The following PTPRD variants were observed in gnomAD, a reference collection of about 807,000 sequenced individuals.
PTPRD encodes the protein receptor-type tyrosine-protein phosphatase delta.
A neutral mutation model predicts 214.5 loss-of-function variants in PTPRD; 34 were observed. The observed-to-expected ratio is 0.16, with a 90% CI of 0.12 to 0.21. The LOEUF is 0.21. Ranked by LOEUF, PTPRD falls within the 10% of genes least tolerant of loss-of-function variation. The pLI, the probability that PTPRD is intolerant of heterozygous loss-of-function variation, is 1.00. For synonymous variants in PTPRD, 1,128 were observed against 845.7 expected, an observed-to-expected ratio of 1.33 and a Z score of -5.79; for missense variants, 2,545 against 2,398.7, an observed-to-expected ratio of 1.06 and a Z score of -1.27.
chr9:8,894,632 G>C lies in PTPRD; in HGVS notation c.-104+124065C>G, dbSNP rs908119790. ...CACAGGTGTTTTCAACTTATGAAAA[G>C]TCATTAAACTGTACACTTAGTAAAT... On this transcript the variant is annotated intron_variant, in intron 11 of 45. Transcript: ENST00000381196. Among the ~76,000 whole-genome samples the C allele has an allele frequency of 3.3e-5, 5 of 152,036 alleles. No homozygotes were observed. In the East Asian group the frequency reaches 9.7e-4, roughly 29 times the overall value.
intron 2 of PTPRD, among the ~76,000 whole-genome samples, chr9:10,512,574 C>T (rs951431833): frequency 1.3e-5 from 2 of 152,026 alleles, no homozygotes; most frequent in Non-Finnish European, 2.9e-5. Context: ...AAGCAGCAAT[C>T]AAAGTTGAAC....
intron 3 of PTPRD, among the ~76,000 whole-genome samples, chr9:10,173,419 G>A (rs1168659989): frequency 6.6e-6 from 1 of 152,114 alleles, no homozygotes; most frequent in African/African-American, 2.4e-5. Flanking sequence ...CTCACAGCTA[G>A]TAAGATGTAG....
At chr9:10,270,936 T>C (rs568344813) in intron 3 of PTPRD, among the ~76,000 whole-genome samples, 1 of 152,240 alleles carries the variant, frequency 6.6e-6, no homozygotes, top group East Asian at 1.9e-4. Context: ...GCTCAAGTGA[T>C]TCTCCTTCCT....
At chr9:8,609,940 T>C (rs1243505528) in intron 14 of PTPRD, among the ~76,000 whole-genome samples, 2 of 152,166 alleles carry the variant, frequency 1.3e-5, no homozygotes, top group African/African-American at 4.8e-5. Context: ...AAGATTAGAT[T>C]CATATTAAGT....
intron 11 of PTPRD, among the ~76,000 whole-genome samples, chr9:8,782,770 A>G (rs959055416): frequency 4.0e-5 from 6 of 151,848 alleles, no homozygotes; most frequent in African/African-American, 1.4e-4. Context: ...TAATTTTTAT[A>G]TTTTTAGTAG....
intron 12 of PTPRD, among the ~76,000 whole-genome samples, chr9:8,715,804 A>T (rs1394242294): frequency 6.6e-6 from 1 of 152,252 alleles, no homozygotes; most frequent in Non-Finnish European, 1.5e-5. Flanking sequence ...TACATTCTAG[A>T]GACAATTACA....
chr9:9,406,566 A>G (rs144833618), intron 8 of PTPRD, among the ~76,000 whole-genome samples: 1 of 152,000 alleles, frequency 6.6e-6, no homozygotes, highest in East Asian at 1.9e-4. Flanking sequence ...TTCTTTCTTC[A>G]CAATTTCAAA....
intron 5 of PTPRD, among the ~76,000 whole-genome samples, chr9:9,862,808 C>T (rs757254225): frequency 6.6e-6 from 1 of 152,036 alleles, no homozygotes; most frequent in Non-Finnish European, 1.5e-5. Context: ...AAAGTATCTA[C>T]AATTTTCTAA....
chr9:9,573,444 G>GT (rs2087222953), intron 8 of PTPRD, among the ~76,000 whole-genome samples: 1 of 150,804 alleles, frequency 6.6e-6, no homozygotes, highest in South Asian at 2.1e-4. Flanking sequence ...GTCAGTATTG[G>GT]TTATATGGGT....
chr9:10,232,264 C>A (rs1406778707), intron 3 of PTPRD, among the ~76,000 whole-genome samples: 1 of 151,856 alleles, frequency 6.6e-6, no homozygotes, highest in Non-Finnish European at 1.5e-5. Context: ...GTTACAGCCA[C>A]ACAAAACAGA....
chr9:10,442,119 C>A (rs576354390), intron 2 of PTPRD, among the ~76,000 whole-genome samples: 1 of 151,664 alleles, frequency 6.6e-6, no homozygotes, highest in Admixed American at 6.6e-5. Flanking sequence ...TAGTCAAATA[C>A]ATTTGATTTG....
At chr9:8,923,474 C>T (rs1158423562) in intron 11 of PTPRD, among the ~76,000 whole-genome samples, 1 of 151,872 alleles carries the variant, frequency 6.6e-6, no homozygotes, top group Non-Finnish European at 1.5e-5. Flanking sequence ...GTGGTCCAAA[C>T]AGAAAATAAC....
intron 14 of PTPRD, among the ~76,000 whole-genome samples, chr9:8,582,511 T>C (rs1284270724): frequency 6.6e-6 from 1 of 152,034 alleles, no homozygotes; most frequent in Non-Finnish European, 1.5e-5. Flanking sequence ...TGCATTTAAC[T>C]GACAAGGAAT....
chr9:9,246,380 C>G (rs565295434), intron 9 of PTPRD, among the ~76,000 whole-genome samples: 16 of 152,134 alleles, frequency 1.1e-4, no homozygotes, highest in South Asian at 1.0e-3. Context: ...AGAAAAATCA[C>G]CAGATTAGCT....
chr9:10,006,921 A>C (rs2096489827), intron 4 of PTPRD, among the ~76,000 whole-genome samples: 1 of 151,946 alleles, frequency 6.6e-6, no homozygotes, highest in African/African-American at 2.4e-5. Flanking sequence ...AATTTCTTTT[A>C]AAATTATTTT....
At chr9:8,702,501 T>G (rs2098111787) in intron 12 of PTPRD, among the ~76,000 whole-genome samples, 1 of 152,178 alleles carries the variant, frequency 6.6e-6, no homozygotes, top group Admixed American at 6.5e-5. Context: ...TTTGAAGAGA[T>G]AAAAATAAAG....
Position 8,733,765 on chromosome 9 carries a change from G to T in PTPRD, c.64+15C>A, listed in dbSNP as rs1435395572. The stretch of plus-strand genomic sequence containing the variant: ...TTATGGTCACAGCCCCCTAGAGAAG[G>T]GGAGAATGGCTTACTCTCAGCATCC... On this transcript the variant is annotated intron_variant, in intron 12 of 45. Transcript: ENST00000381196. The T allele has an allele frequency of 6.4e-7, 1 of 1,551,964 alleles. No individual in the cohort carries two copies. Among genetic ancestry groups the T allele is most frequent in the South Asian group, 1.2e-5 (1 of 84,054 alleles).
chr9:9,367,946 G>A (rs903391750), intron 9 of PTPRD, among the ~76,000 whole-genome samples: 1 of 151,670 alleles, frequency 6.6e-6, no homozygotes, highest in Admixed American at 6.6e-5. Context: ...GTGCCCAATA[G>A]GTCATATGAG....
intron 7 of PTPRD, among the ~76,000 whole-genome samples, chr9:9,607,801 G>A (rs2094264104): frequency 6.6e-6 from 1 of 151,440 alleles, no homozygotes; most frequent in African/African-American, 2.4e-5. Flanking sequence ...TCTCCTGATA[G>A]ATTCCGAAGG....
Sources: allele counts gnomAD v4.1 joint callset (sites outside exome capture counted in the v4.1 genomes callset), GRCh38; gene constraint gnomAD v4.1.1; transcripts MANE v1.5; gene names NCBI Gene and HGNC (gene_info 2026-07-23, HGNC 2026-07-21).